Variants in LEMD3 observed in about 807,000 individuals in gnomAD.
The protein encoded by LEMD3 is inner nuclear membrane protein Man1.
A neutral mutation model predicts 95.2 loss-of-function variants in LEMD3; 33 were observed. The observed-to-expected ratio is 0.35, with a 90% CI of 0.26 to 0.46. The LOEUF (loss-of-function observed/expected upper bound fraction) is 0.46. Ranked by LOEUF, LEMD3 falls within the 20% of genes least tolerant of loss-of-function variation. LEMD3 has a pLI of 1.00. For missense variants in LEMD3, 1,210 were observed against 1,192.8 expected, an observed-to-expected ratio of 1.01 and a Z score of -0.21; for synonymous variants, 525 against 474.6, an observed-to-expected ratio of 1.11 and a Z score of -1.38.
In LEMD3 at chr12:65,170,113, C is replaced by T; in HGVS notation, c.517C>T (p.Pro173Ser). The T allele has an allele frequency of 6.9e-7, 1 of 1,456,414 alleles. No homozygotes were observed. The highest frequency in any genetic ancestry group is 9.0e-7 in the Non-Finnish European group (1 of 1,111,008). 90.2% of individuals were successfully genotyped at this position (1,456,414 alleles called of 1,614,324 possible). A position where few individuals can be genotyped will look rare whatever the true frequency, so the allele number is the denominator to read the frequency against. ...GCTCCAGTACCGCGGGCTCAAAGCG[C>T]CGCCGGCGCCCCTGGCCGCCAGCGA... is the stretch of plus-strand genomic sequence containing the variant. Reference protein sequence around the residue: ...ASLQYRGLKAPPAPLAASEVT... With the variant: ...ASLQYRGLKASPAPLAASEVT... The change falls in exon 1 of 13, where the codon CCG becomes TCG. Residue 173 changes from proline (P) to serine (S), a missense_variant. Around this residue, in one of 2 missense-constraint regions of LEMD3, gnomAD observed 749 missense variants for 622.9 expected, o/e 1.20. Coordinates refer to ENST00000308330, the MANE Select transcript of LEMD3 (RefSeq NM_014319.5).
intron 12 of LEMD3, 81 bp from the exon 13 acceptor site, chr12:65,246,081 A>G: frequency 1.6e-6 from 2 of 1,284,650 alleles, no homozygotes; most frequent in Non-Finnish European, 2.2e-6. Context: ...TTTTGTGCTC[A>G]TATGTCTTTT....
chr12:65,193,449 T>G (rs1013667757), intron 1 of LEMD3, among the ~76,000 whole-genome samples: 15 of 152,158 alleles, frequency 9.9e-5, no homozygotes, highest in African/African-American at 3.1e-4. Flanking sequence ...GCAGTGTGTT[T>G]ACTGGAGTTG....
chr12:65,170,671 G>A lies in LEMD3; in HGVS notation c.1075G>A (p.Val359Ile), dbSNP rs376822761. 5.6e-5 allele frequency: 91 copies of A among 1,614,090 alleles called. No homozygotes were observed. The highest frequency in any genetic ancestry group is 1.6e-4 in the Middle Eastern group (1 of 6,084). ...CTCCAGCCCCGTTCCTAGATACCGT[G>A]TTAACGCTAAGAAACTGACCCCTCT... is the stretch of plus-strand genomic sequence containing the variant. The part of the protein sequence containing the change: ...VDSSPVPRYR[V>I]NAKKLTPLLP... The change falls in exon 1 of 13, where the codon GTT (valine) becomes ATT (isoleucine). Residue 359 changes from valine to isoleucine, a missense_variant. By Grantham distance (29) the Val-to-Ile change is conservative (BLOSUM62 3). This residue lies in a region of LEMD3 where 749 missense variants were observed against 622.9 expected (regional missense o/e 1.20). Coordinates refer to ENST00000308330, the MANE Select transcript of LEMD3 (RefSeq NM_014319.5).
At chr12:65,233,659 T>C (rs1378482156) in intron 4 of LEMD3, among the ~76,000 whole-genome samples, 1 of 152,202 alleles carries the variant, frequency 6.6e-6, no homozygotes, top group Admixed American at 6.5e-5. Flanking sequence ...GTGTAAATTA[T>C]CAGTTTCATA....
intron 2 of LEMD3, among the ~76,000 whole-genome samples, chr12:65,212,638 C>A (rs944481830): frequency 6.6e-6 from 1 of 151,850 alleles, no homozygotes; most frequent in Non-Finnish European, 1.5e-5. Flanking sequence ...GATAGAGTCA[C>A]CCTATAGATT....
chr12:65,187,651 G>T (rs539577707), intron 1 of LEMD3, among the ~76,000 whole-genome samples: 1 of 151,886 alleles, frequency 6.6e-6, no homozygotes, highest in South Asian at 2.1e-4. Context: ...TTAAACAGTG[G>T]TCCATCAATC....
chr12:65,198,758 T>C (rs558261218), intron 1 of LEMD3, among the ~76,000 whole-genome samples: 2 of 152,312 alleles, frequency 1.3e-5, no homozygotes, highest in Non-Finnish European at 2.9e-5. Flanking sequence ...ATGTTAATGC[T>C]ATGTAAGTGG....
In LEMD3 at chr12:65,246,637, G is replaced by A; in HGVS notation, c.*312G>A. On this transcript the variant is annotated 3_prime_UTR_variant, in exon 13 of 13. Transcript: ENST00000308330. ...GTATTTTTGCCCCAAGAAGTGTTTG[G>A]ATAACCACACAAAAGCATGATGAAA... 3.0e-6 allele frequency: 1 copy of A among 331,532 alleles called. No homozygotes were observed. Among genetic ancestry groups the A allele is most frequent in the Non-Finnish European group, 5.7e-6 (1 of 176,548 alleles). 20.5% of individuals were successfully genotyped at this position (331,532 alleles called of 1,614,324 possible).
At chr12:65,188,864 A>T (rs1869148926) in intron 1 of LEMD3, among the ~76,000 whole-genome samples, 1 of 152,118 alleles carries the variant, frequency 6.6e-6, no homozygotes, top group African/African-American at 2.4e-5. Flanking sequence ...GGCTGCAAAC[A>T]TTCATTTAAG....
chr12:65,176,045 C>T (rs1868708517), intron 1 of LEMD3, among the ~76,000 whole-genome samples: 1 of 152,084 alleles, frequency 6.6e-6, no homozygotes, highest in Non-Finnish European at 1.5e-5. Flanking sequence ...TTTTTCTGTC[C>T]CTCGCCACTG....
At chr12:65,212,208 A>G (rs1274372713) in intron 2 of LEMD3, among the ~76,000 whole-genome samples, 1 of 152,104 alleles carries the variant, frequency 6.6e-6, no homozygotes, top group Non-Finnish European at 1.5e-5. Context: ...GCATGGGGAA[A>G]AAAACCCACC....
Position 65,192,105 on chromosome 12 carries a change from T to TAA in LEMD3, c.1523-18808_1523-18807dup, listed in dbSNP as rs35863115. 2.2e-3 allele frequency among the ~76,000 whole-genome samples: 301 copies of TAA among 138,120 alleles called. 2 individuals are homozygous for TAA. The highest frequency in any genetic ancestry group is 7.8e-3 in the African/African-American group (291 of 37,448). 90.6% of individuals were successfully genotyped at this position (138,120 alleles called of 152,430 possible). ...AAATATAGAAAGTTACACAGTTGCT[T>TAA]AAAAAAAAAAAAAAGCACCTTAGCT... On this transcript the variant is annotated intron_variant, in intron 1 of 12. Transcript: ENST00000308330.
intron 4 of LEMD3, among the ~76,000 whole-genome samples, chr12:65,227,833 G>A (rs1395953335): frequency 6.7e-6 from 1 of 149,360 alleles, no homozygotes; most frequent in African/African-American, 2.5e-5. Flanking sequence ...CCAAAAGATT[G>A]GACACTCCTG....
rs188058887 is a variant in LEMD3 at position 65,238,146 on chromosome 12, A to G, written c.1696-356A>G. Reference sequence around the variant, plus strand: ...GAAAATTAGCTGGGCCTGGTAGCTGATGCTTGTAATCCCAACTACTTGGGA... The same window carrying G: ...GAAAATTAGCTGGGCCTGGTAGCTGGTGCTTGTAATCCCAACTACTTGGGA... On this transcript the variant is annotated intron_variant, in intron 4 of 12. Coordinates refer to ENST00000308330, the MANE Select transcript of LEMD3 (RefSeq NM_014319.5). Among the ~76,000 whole-genome samples, 33 of 152,138 alleles carry G rather than the reference A, an allele frequency of 2.2e-4. No homozygotes were observed. In the East Asian group the frequency reaches 6.0e-3, roughly 28 times the overall value.
chr12:65,208,568 T>G (rs1415322009), intron 1 of LEMD3, among the ~76,000 whole-genome samples: 4 of 152,118 alleles, frequency 2.6e-5, no homozygotes, highest in Non-Finnish European at 5.9e-5. Flanking sequence ...TTGGATGTGA[T>G]AGAAGATATT....
chr12:65,231,332 G>T (rs1297506107), intron 4 of LEMD3, among the ~76,000 whole-genome samples: 3 of 152,018 alleles, frequency 2.0e-5, no homozygotes, highest in African/African-American at 7.2e-5. Flanking sequence ...GTAATTTTAA[G>T]GTCTATATAA....
chr12:65,214,312 G>A (rs540813602), intron 2 of LEMD3, among the ~76,000 whole-genome samples: 1 of 152,214 alleles, frequency 6.6e-6, no homozygotes, highest in Non-Finnish European at 1.5e-5. Context: ...ACTTTTTGAT[G>A]TCTAATTTTG....
At chr12:65,171,455 A>G in intron 1 of LEMD3, 1 of 331,066 alleles carries the variant, frequency 3.0e-6, no homozygotes, top group Non-Finnish European at 5.8e-6. Context: ...TACTTAACAA[A>G]TTTGAAGTAT....
intron 1 of LEMD3, among the ~76,000 whole-genome samples, chr12:65,191,659 A>G (rs1446815634): frequency 1.3e-5 from 2 of 152,138 alleles, no homozygotes; most frequent in South Asian, 4.1e-4. Context: ...GAGGCTGGGC[A>G]TGGTGGCTCA....
Sources: allele counts gnomAD v4.1 joint callset (sites outside exome capture counted in the v4.1 genomes callset), GRCh38; gene constraint gnomAD v4.1.1; regional missense constraint gnomAD v4.1.1; transcripts MANE v1.5; gene names NCBI Gene and HGNC (gene_info 2026-07-23, HGNC 2026-07-21).